CADPS2: variants seen among roughly 807,000 people sequenced by gnomAD.
CADPS2 encodes calcium dependent secretion activator 2, also known as calcium-dependent secretion activator 2.
In CADPS2, 93 loss-of-function variants were observed where a neutral mutation model predicts 172.5. The observed-to-expected ratio is 0.54, with a 90% CI of 0.46 to 0.64. The LOEUF (loss-of-function observed/expected upper bound fraction) is 0.64, where lower values mean the gene tolerates loss of function less well. CADPS2 is among the 30% of genes least tolerant of loss of function. The pLI is 0.00. For missense variants in CADPS2, 1,420 were observed against 1,565.9 expected (o/e 0.91, Z 1.57); for synonymous variants, 546 against 555.2 (o/e 0.98, Z 0.23).
intron 2 of CADPS2, among the ~76,000 whole-genome samples, chr7:122,687,860 G>C (rs1458217940): frequency 6.6e-6 from 1 of 152,148 alleles, no homozygotes; most frequent in South Asian, 2.1e-4. Context: ...AAATTATTTT[G>C]TTAATAAATC....
At chr7:122,722,984 C>G (rs1033121685) in intron 2 of CADPS2, among the ~76,000 whole-genome samples, 2 of 151,808 alleles carry the variant, frequency 1.3e-5, no homozygotes, top group African/African-American at 4.8e-5. Context: ...TATATGTAGA[C>G]AGCTGAAACT....
At chr7:122,424,613 T>C (rs946917469) in intron 17 of CADPS2, among the ~76,000 whole-genome samples, 3 of 152,254 alleles carry the variant, frequency 2.0e-5, no homozygotes, top group East Asian at 1.9e-4. Flanking sequence ...TTACAGAGAA[T>C]AGATTACTAG....
chr7:122,593,005 A>C (rs918637589), intron 6 of CADPS2, among the ~76,000 whole-genome samples: 2 of 151,624 alleles, frequency 1.3e-5, no homozygotes, highest in South Asian at 2.1e-4. Flanking sequence ...TAAATAAATA[A>C]ATAAATAAAT....
rs545894677 is a variant in CADPS2 at position 122,833,542 on chromosome 7, G to T, written c.339+52457C>A. Among the ~76,000 whole-genome samples the T allele has an allele frequency of 6.1e-4, 92 of 151,202 alleles. 1 individual carries two copies. The highest frequency in any genetic ancestry group is 1.9e-3 in the African/African-American group (78 of 41,238). On this transcript the variant is annotated intron_variant, in intron 1 of 29. Coordinates refer to ENST00000449022, the MANE Select transcript of CADPS2 (RefSeq NM_017954.11). ...ACCACACCCAGCTTTGTTTTTTTTT[G>T]TTTGTTTGTTTTGTTTTGTTTTTTT...
chr7:122,386,656 C>T (rs185033896), intron 24 of CADPS2, among the ~76,000 whole-genome samples: 62 of 152,042 alleles, frequency 4.1e-4, no homozygotes, highest in African/African-American at 1.2e-3. Flanking sequence ...CACACTTTTT[C>T]GTGTGTCTTA....
At chr7:122,450,070 A>C (rs770770113) in intron 15 of CADPS2, among the ~76,000 whole-genome samples, 3 of 152,206 alleles carry the variant, frequency 2.0e-5, no homozygotes, top group African/African-American at 4.8e-5. Context: ...AACAAAAAAG[A>C]ATAATAATGA....
At chr7:122,417,155 A>G (rs552876014) in intron 17 of CADPS2, among the ~76,000 whole-genome samples, 1 of 152,224 alleles carries the variant, frequency 6.6e-6, no homozygotes, top group African/African-American at 2.4e-5. Flanking sequence ...AATTTGGAGG[A>G]GACACTTTCA....
chr7:122,839,376 C>T (rs949647705), intron 1 of CADPS2, among the ~76,000 whole-genome samples: 1 of 152,060 alleles, frequency 6.6e-6, no homozygotes, highest in African/African-American at 2.4e-5. Flanking sequence ...TGGGCAAGGA[C>T]TTCATGTCTA....
intron 6 of CADPS2, among the ~76,000 whole-genome samples, chr7:122,591,374 T>G (rs11771685): frequency 0.19 from 28,291 of 151,914 alleles, 3,509 homozygotes; most frequent in Non-Finnish European, 0.28. Flanking sequence ...ATGCTCATGG[T>G]TAGGAAGAAT....
At chr7:122,334,474 T>C (rs1383044142) in intron 28 of CADPS2, among the ~76,000 whole-genome samples, 3 of 152,334 alleles carry the variant, frequency 2.0e-5, no homozygotes, top group South Asian at 4.1e-4. Context: ...CAGAAAAATA[T>C]TGTTGCTGTG....
intron 1 of CADPS2, among the ~76,000 whole-genome samples, chr7:122,804,604 T>G (rs565408282): frequency 3.4e-4 from 52 of 152,270 alleles, no homozygotes; most frequent in African/African-American, 1.3e-3. Flanking sequence ...GATGCGAAAT[T>G]TAAGCCTTTC....
At chr7:122,691,753 C>T (rs941336894) in intron 2 of CADPS2, among the ~76,000 whole-genome samples, 1 of 152,150 alleles carries the variant, frequency 6.6e-6, no homozygotes. Flanking sequence ...ACAGTGGCAC[C>T]ATCCCAGTTC....
intron 9 of CADPS2, among the ~76,000 whole-genome samples, chr7:122,504,176 A>C (rs1261588002): frequency 6.6e-6 from 1 of 152,040 alleles, no homozygotes; most frequent in Non-Finnish European, 1.5e-5. Flanking sequence ...ATCTCATTTA[A>C]TTTTTCTGTA....
At position 122,663,589 on chromosome 7, in the gene CADPS2, A is replaced by G; in HGVS notation, c.454-20T>C. 6.5e-7 allele frequency: 1 copy of G among 1,528,874 alleles called. No individual in the cohort carries two copies. Among genetic ancestry groups the G allele is most frequent in the Non-Finnish European group, 8.8e-7 (1 of 1,132,118 alleles). 94.7% of individuals were successfully genotyped at this position (1,528,874 alleles called of 1,614,324 possible). A position where few individuals can be genotyped will look rare whatever the true frequency, so the allele number is the denominator to read the frequency against. On this transcript the variant is annotated intron_variant, in intron 2 of 29. Transcript: ENST00000449022. ...AAAAACCTGAAAACAAAACAAAACA[A>G]AACAAAACAAAAAACAATTACAATT...
chr7:122,380,628 A>G (rs1463111265), intron 24 of CADPS2, among the ~76,000 whole-genome samples: 1 of 152,124 alleles, frequency 6.6e-6, no homozygotes, highest in Non-Finnish European at 1.5e-5. Context: ...TAATAAAGAA[A>G]GGAAGGATAA....
chr7:122,369,070 AT>A (rs1437860641), intron 25 of CADPS2, among the ~76,000 whole-genome samples: 1 of 137,042 alleles, frequency 7.3e-6, no homozygotes, highest in African/African-American at 2.6e-5. Flanking sequence ...TAATGCTCCT[AT>A]TTTTTTTCCC....
chr7:122,720,955 C>T (rs1349187995), intron 2 of CADPS2, among the ~76,000 whole-genome samples: 1 of 151,820 alleles, frequency 6.6e-6, no homozygotes, highest in South Asian at 2.1e-4. Context: ...ATGTGCCAGG[C>T]GTTGTGTTAA....
intron 2 of CADPS2, among the ~76,000 whole-genome samples, chr7:122,717,976 A>C (rs2089861649): frequency 9.5e-6 from 1 of 105,202 alleles, no homozygotes; most frequent in African/African-American, 3.6e-5. Flanking sequence ...ACACTCGGCT[A>C]ATTTTTTTTT....
intron 27 of CADPS2, among the ~76,000 whole-genome samples, chr7:122,358,950 T>C (rs1362607551): frequency 6.6e-6 from 1 of 152,146 alleles, no homozygotes; most frequent in Non-Finnish European, 1.5e-5. Context: ...CTGGATATGA[T>C]TGCCATAGAA....
Sources: allele counts gnomAD v4.1 joint callset (sites outside exome capture counted in the v4.1 genomes callset), GRCh38; gene constraint gnomAD v4.1.1; transcripts MANE v1.5; gene names NCBI Gene and HGNC (gene_info 2026-07-23, HGNC 2026-07-21).